The following RPGRIP1L variants were observed in gnomAD, a reference collection of about 807,000 sequenced individuals.
RPGRIP1L encodes the protein protein fantom.
A neutral mutation model predicts 160.4 loss-of-function variants in RPGRIP1L; 131 were observed. The observed-to-expected ratio is 0.82, with a 90% CI of 0.71 to 0.94. RPGRIP1L has a LOEUF of 0.94. Ranked by LOEUF, RPGRIP1L falls within the 40% of genes least tolerant of loss-of-function variation. RPGRIP1L has a pLI of 0.00. For synonymous variants in RPGRIP1L, 510 were observed against 515.8 expected, an observed-to-expected ratio of 0.99 and a Z score of 0.15; for missense variants, 1,522 against 1,535.8, an observed-to-expected ratio of 0.99 and a Z score of 0.15.
chr16:53,636,296 T>A (rs1965827335), intron 22 of RPGRIP1L, 143 bp downstream of exon 22: 2 of 664,832 alleles, frequency 3.0e-6, no homozygotes, highest in Non-Finnish European at 5.4e-6. Flanking sequence ...AGTAGATGAC[T>A]ACTTGGTTAA....
At chr16:53,697,215 A>G (rs1288260009) in intron 2 of RPGRIP1L, among the ~76,000 whole-genome samples, 1 of 152,154 alleles carries the variant, frequency 6.6e-6, no homozygotes, top group Non-Finnish European at 1.5e-5. Flanking sequence ...AAAAGAAAGA[A>G]AAAAGATGAC....
At chr16:53,622,191 C>A in intron 23 of RPGRIP1L, 28 bp downstream of exon 23, 1 of 644,948 alleles carries the variant, frequency 1.6e-6, no homozygotes, top group African/African-American at 1.8e-5. Flanking sequence ...AGTGAAACCC[C>A]GTCTCTGCTA....
chr16:53,616,186 AT>A (rs1964368525), intron 24 of RPGRIP1L, among the ~76,000 whole-genome samples: 1 of 152,214 alleles, frequency 6.6e-6, no homozygotes, highest in Non-Finnish European at 1.5e-5. Flanking sequence ...CAGTTTGGAA[AT>A]AAAATTACTT....
rs115295973 is a variant in RPGRIP1L at position 53,677,120 on chromosome 16, C to T, written c.777-1998G>A. Among the ~76,000 whole-genome samples the T allele has an allele frequency of 9.5e-3, 1,451 of 152,158 alleles. 22 individuals are homozygous for T. Among genetic ancestry groups the T allele is most frequent in the African/African-American group, 0.033 (1,389 of 41,498 alleles). ...TGTCAAAAACTTTCAGTGGTTTAAT[C>T]GGTGGGTGCTTTCCTGAATATTTTC... On this transcript the variant is annotated intron_variant, in intron 6 of 26. Transcript: ENST00000647211.
At chr16:53,645,457 T>C (rs1391217960) in intron 17 of RPGRIP1L, among the ~76,000 whole-genome samples, 168 bp downstream of exon 17, 1 of 152,054 alleles carries the variant, frequency 6.6e-6, no homozygotes, top group Non-Finnish European at 1.5e-5. Context: ...AAGATGCACA[T>C]AGAGCGACTA....
intron 9 of RPGRIP1L, 40 bp downstream of exon 9, chr16:53,671,470 C>T (rs1968717999): frequency 7.7e-7 from 1 of 1,300,230 alleles, no homozygotes; most frequent in Non-Finnish European, 1.1e-6. Flanking sequence ...TAAAAGAGCT[C>T]AAACAAGACA....
Position 53,611,063 on chromosome 16 carries a change from G to GAA in RPGRIP1L, c.3617-14_3617-13dup. 6.4e-7 allele frequency: 1 copy of GAA among 1,573,322 alleles called. No homozygotes were observed. Among genetic ancestry groups the GAA allele is most frequent in the Non-Finnish European group, 8.7e-7 (1 of 1,148,572 alleles). On this transcript the variant is annotated splice_polypyrimidine_tract_variant and intron_variant, in intron 24 of 26. Transcript: ENST00000647211. ...ATCCACGTAGATCACTATACCAAAAGAAAAAAAAATGCCAAAAAGGAAGTC... is the reference window on the plus strand; with the variant it reads ...ATCCACGTAGATCACTATACCAAAAGAAAAAAAAAAATGCCAAAAAGGAAGTC...
At chr16:53,607,953 T>G (rs985097978) in intron 25 of RPGRIP1L, 5 of 984,680 alleles carry the variant, frequency 5.1e-6, no homozygotes, top group Non-Finnish European at 6.0e-6. Flanking sequence ...AGGCCAACTT[T>G]GTCCCATGTC....
At chr16:53,664,649 A>C (rs1968083512) in intron 10 of RPGRIP1L, among the ~76,000 whole-genome samples, 1 of 152,182 alleles carries the variant, frequency 6.6e-6, no homozygotes, top group South Asian at 2.1e-4. Context: ...AACCTAAATA[A>C]GAATAGCTAT....
Position 53,696,891 on chromosome 16 carries a change from G to A in RPGRIP1L, c.86-596C>T, listed in dbSNP as rs926451032. Among the ~76,000 whole-genome samples, 13 of 151,994 alleles carry A rather than the reference G, an allele frequency of 8.6e-5. No individual in the cohort carries two copies. The East Asian group carries it at 1.3e-3, about 16-fold the overall frequency. ...GTGTTTATGATTTCTTTTTACAGAC[G>A]CTTAAATTTGGTATTTTCCGAGCCA... On this transcript the variant is annotated intron_variant, in intron 2 of 26. Coordinates refer to ENST00000647211, the MANE Select transcript of RPGRIP1L (RefSeq NM_015272.5).
intron 2 of RPGRIP1L, among the ~76,000 whole-genome samples, chr16:53,698,752 T>C (rs1404590938): frequency 6.9e-6 from 1 of 144,432 alleles, no homozygotes; most frequent in South Asian, 2.3e-4. Flanking sequence ...AGCCGCCCCG[T>C]CTGGGAGGGA....
chr16:53,700,812 A>C (rs1971340298), intron 1 of RPGRIP1L, 82 bp from the exon 2 acceptor site: 1 of 1,050,338 alleles, frequency 9.5e-7, no homozygotes, highest in Non-Finnish European at 1.5e-6. Flanking sequence ...ATAAAACGAA[A>C]AAGGGACTAG....
At chr16:53,642,053 T>C (rs1184360841) in intron 17 of RPGRIP1L, among the ~76,000 whole-genome samples, 1 of 152,128 alleles carries the variant, frequency 6.6e-6, no homozygotes, top group African/African-American at 2.4e-5. Context: ...ATAAAATAAA[T>C]GGACCATCTA....
At chr16:53,694,462 A>T (rs1444934475) in intron 3 of RPGRIP1L, 1 of 151,894 alleles carries the variant, frequency 6.6e-6, no homozygotes, top group African/African-American at 2.4e-5. Flanking sequence ...ATTAAAAAAT[A>T]AAAAGGTAGT....
intron 12 of RPGRIP1L, 83 bp downstream of exon 12, chr16:53,658,331 G>GT: frequency 2.0e-6 from 2 of 982,578 alleles, no homozygotes; most frequent in Non-Finnish European, 3.3e-6. Context: ...TTCTCCAAAT[G>GT]TAAGGGTTAC....
intron 6 of RPGRIP1L, among the ~76,000 whole-genome samples, chr16:53,684,819 G>A (rs577543930): frequency 6.6e-5 from 10 of 150,928 alleles, no homozygotes; most frequent in East Asian, 5.8e-4. Flanking sequence ...TTTTCACAAC[G>A]AAGATGCCAA....
chr16:53,614,325 TCA>T (rs756538462), intron 24 of RPGRIP1L, among the ~76,000 whole-genome samples: 9 of 152,234 alleles, frequency 5.9e-5, no homozygotes, highest in Non-Finnish European at 1.2e-4. Flanking sequence ...CCAGTGGTTC[TCA>T]GTCTTTATTG....
Position 53,665,417 on chromosome 16 carries a change from T to A in RPGRIP1L, c.1104-408A>T, listed in dbSNP as rs79224524. On this transcript the variant is annotated intron_variant, in intron 9 of 26. Transcript: ENST00000647211. ...AGAAAATGGACTTTCCACCTGATCT[T>A]TAATTCTGTGAAACTTTTAAAGAGT... Among the ~76,000 whole-genome samples, 1,492 of 152,290 alleles carry A rather than the reference T, an allele frequency of 9.8e-3. 15 individuals are homozygous for A. The highest frequency in any genetic ancestry group is 0.034 in the Middle Eastern group (10 of 294).
intron 6 of RPGRIP1L, among the ~76,000 whole-genome samples, 184 bp downstream of exon 6, chr16:53,686,248 GA>G (rs2151316662): frequency 6.6e-6 from 1 of 152,278 alleles, no homozygotes; most frequent in Non-Finnish European, 1.5e-5. Context: ...GCAGGTTAGG[GA>G]AAACTGTCTT....
Sources: allele counts gnomAD v4.1 joint callset (sites outside exome capture counted in the v4.1 genomes callset), GRCh38; gene constraint gnomAD v4.1.1; transcripts MANE v1.5; gene names NCBI Gene and HGNC (gene_info 2026-07-23, HGNC 2026-07-21).